AIDA: variants seen among roughly 807,000 people sequenced by gnomAD.
The protein encoded by AIDA is axin interactor, dorsalization-associated protein.
Under a neutral mutation model 42.7 loss-of-function variants are expected in AIDA, and 18 were observed. The ratio of observed to expected loss-of-function variants is 0.42; its 90% CI spans 0.29 to 0.63. The LOEUF (loss-of-function observed/expected upper bound fraction) is 0.63. Ranked by LOEUF, AIDA falls within the 20% of genes least tolerant of loss-of-function variation. AIDA has a pLI of 0.19. For synonymous variants in AIDA, 104 were observed against 122.9 expected, an observed-to-expected ratio of 0.85 and a Z score of 1.02; for missense variants, 250 against 354.1, an observed-to-expected ratio of 0.71 and a Z score of 2.36.
At chr1:222,683,989 T>G (rs932994116) in intron 6 of AIDA, among the ~76,000 whole-genome samples, 2 of 152,242 alleles carry the variant, frequency 1.3e-5, no homozygotes, top group Non-Finnish European at 2.9e-5. Context: ...AAAAAAACTA[T>G]TCTTGGTCAT....
chr1:222,693,837 G>A lies in AIDA; in HGVS notation c.241C>T (p.Gln81Ter), dbSNP rs781718432. ...TCCAGTTTAAATTCTTCTTGAGACT[G>A]TGTGGACTAAATTTAAAATAAGCAT... ...ELRSAALQSTQSQEEFKLEDL... is the reference protein window; with the variant it reads ...ELRSAALQST Residue 81 changes from glutamine to a stop codon, truncating the protein, a stop_gained, in exon 4 of 10, where the codon CAG (glutamine) becomes TAG (stop). Transcript: ENST00000340020. LOFTEE classifies it high-confidence loss of function. 11 of 1,607,082 alleles carry A rather than the reference G, an allele frequency of 6.8e-6. No homozygotes were observed. Among genetic ancestry groups the A allele is most frequent in the African/African-American group, 1.3e-5 (1 of 74,822 alleles).
intron 8 of AIDA, among the ~76,000 whole-genome samples, chr1:222,671,362 G>C (rs1664446282): frequency 6.6e-6 from 1 of 152,250 alleles, no homozygotes; most frequent in Admixed American, 6.5e-5. Flanking sequence ...CAACAAAAAT[G>C]AATTTCTAAA....
intron 7 of AIDA, among the ~76,000 whole-genome samples, chr1:222,673,726 C>T (rs962224653): frequency 3.3e-5 from 5 of 151,456 alleles, no homozygotes; most frequent in Middle Eastern, 3.4e-3. Flanking sequence ...TGCAGTGAGC[C>T]GAGATCGCAC....
intron 6 of AIDA, among the ~76,000 whole-genome samples, chr1:222,680,901 A>G (rs1664641559): frequency 6.6e-6 from 1 of 152,212 alleles, no homozygotes; most frequent in Non-Finnish European, 1.5e-5. Context: ...ATGTGAAATT[A>G]CAAGACGTTT....
At chr1:222,679,965 C>T (rs948132072) in intron 6 of AIDA, among the ~76,000 whole-genome samples, 5 of 152,216 alleles carry the variant, frequency 3.3e-5, no homozygotes, top group Non-Finnish European at 5.9e-5. Context: ...ATTTCTCAAC[C>T]TGGGTTCTGT....
intron 1 of AIDA, among the ~76,000 whole-genome samples, chr1:222,706,904 G>A (rs540421511): frequency 1.5e-4 from 22 of 150,210 alleles, no homozygotes; most frequent in African/African-American, 4.9e-4. Context: ...TTCAAATTTC[G>A]TGAAATGTCT....
chr1:222,695,066 G>A (rs755505413), intron 2 of AIDA, among the ~76,000 whole-genome samples: 71 of 152,364 alleles, frequency 4.7e-4, no homozygotes, highest in Admixed American at 1.8e-3. Flanking sequence ...AAAGTTGAGA[G>A]AAGGGGGCTG....
At chr1:222,703,047 TTTTG>T (rs1161730326) in intron 2 of AIDA, 97 bp downstream of exon 2, 2 of 861,632 alleles carry the variant, frequency 2.3e-6, no homozygotes, top group Middle Eastern at 3.6e-4. Context: ...TATAACAGTT[TTTTG>T]TTTTTGTTTT....
chr1:222,677,928 T>G (rs928932788), intron 6 of AIDA, among the ~76,000 whole-genome samples: 1 of 152,160 alleles, frequency 6.6e-6, no homozygotes, highest in Admixed American at 6.5e-5. Flanking sequence ...AAAAAATTTT[T>G]TACACATTAT....
chr1:222,691,043 G>A (rs1182050161), intron 4 of AIDA, among the ~76,000 whole-genome samples: 1 of 152,196 alleles, frequency 6.6e-6, no homozygotes. Flanking sequence ...ACACAAACAG[G>A]ATGAGTGTGT....
chr1:222,693,732 C>A, intron 4 of AIDA, 57 bp downstream of exon 4: 1 of 1,368,068 alleles, frequency 7.3e-7, no homozygotes, highest in Non-Finnish European at 1.0e-6. Flanking sequence ...GCCTTAACAT[C>A]TACAATAGAT....
chr1:222,705,153 A>G (rs915827672), intron 1 of AIDA, among the ~76,000 whole-genome samples: 6 of 152,248 alleles, frequency 3.9e-5, no homozygotes, highest in Admixed American at 2.0e-4. Flanking sequence ...CCACTGTGTT[A>G]CTTAGTCGAA....
At chr1:222,708,881 A>G (rs1024308311) in intron 1 of AIDA, among the ~76,000 whole-genome samples, 3 of 152,138 alleles carry the variant, frequency 2.0e-5, no homozygotes, top group Non-Finnish European at 4.4e-5. Flanking sequence ...AAATCTTCCA[A>G]TAGTATTTTG....
chr1:222,707,303 G>A lies in AIDA; in HGVS notation c.111-4086C>T, dbSNP rs569165136. Among the ~76,000 whole-genome samples, 8 of 152,120 alleles carry A rather than the reference G, an allele frequency of 5.3e-5. No homozygotes were observed. In the East Asian group the frequency reaches 5.8e-4, roughly 11 times the overall value. On this transcript the variant is annotated intron_variant, in intron 1 of 9. Coordinates refer to ENST00000340020, the MANE Select transcript of AIDA (RefSeq NM_022831.4). ...CTCCTGAGTAGCTGAGACCACAGGC[G>A]TGTACCACCACACAAGGCTAATTTT...
chr1:222,689,477 G>GTGTA (rs1263414502), intron 4 of AIDA, among the ~76,000 whole-genome samples: 18 of 27,972 alleles, frequency 6.4e-4, no homozygotes, highest in African/African-American at 3.3e-3. Context: ...GTATGTGTGT[G>GTGTA]TGTGTATATA....
At chr1:222,694,144 A>G (rs1655451017) in intron 3 of AIDA, 66 bp downstream of exon 3, 2 of 1,393,152 alleles carry the variant, frequency 1.4e-6, no homozygotes, top group Non-Finnish European at 9.9e-7. Context: ...TAAATGTCTA[A>G]TGTTTTATCA....
chr1:222,709,782 A>G (rs1254076230), intron 1 of AIDA, among the ~76,000 whole-genome samples: 1 of 152,248 alleles, frequency 6.6e-6, no homozygotes, highest in Non-Finnish European at 1.5e-5. Flanking sequence ...TGCAACACCC[A>G]GTTACTCTAA....
At chr1:222,708,796 A>G (rs1655914164) in intron 1 of AIDA, among the ~76,000 whole-genome samples, 1 of 152,216 alleles carries the variant, frequency 6.6e-6, no homozygotes, top group East Asian at 1.9e-4. Context: ...ATATCCCCAG[A>G]TAGCTAAATG....
chr1:222,685,855 T>G (rs1655153491), intron 6 of AIDA, among the ~76,000 whole-genome samples: 1 of 152,126 alleles, frequency 6.6e-6, no homozygotes, highest in Admixed American at 6.5e-5. Context: ...CACCACAATT[T>G]GATTAATTAA....
Sources: gnomAD v4.1 joint callset for allele counts (sites outside exome capture counted in the v4.1 genomes callset) on GRCh38, gnomAD v4.1.1 for gene constraint, MANE v1.5 for transcripts, NCBI Gene and HGNC (gene_info 2026-07-23, HGNC 2026-07-21) for gene names.